Variants in LOC112694756 observed in about 807,000 individuals in gnomAD.
the LOC112694756 span, chr16:30,054,969 G>A: frequency 2.5e-6 from 1 of 398,804 alleles, no homozygotes; most frequent in African/African-American, 2.1e-5. Context: ...CTCTGGGGAA[G>A]AGGAATCCCG....
the LOC112694756 span, among the ~76,000 whole-genome samples, chr16:30,065,483 A>C: frequency 6.6e-6 from 1 of 152,002 alleles, no homozygotes; most frequent in South Asian, 2.1e-4. Flanking sequence ...TGGCTGAGTC[A>C]CGGCGCCCCA....
At chr16:30,055,958 A>G in the LOC112694756 span, among the ~76,000 whole-genome samples, 1 of 151,936 alleles carries the variant, frequency 6.6e-6, no homozygotes, top group East Asian at 1.9e-4. Context: ...CACAACTACC[A>G]TATGGCTAAT....
chr16:30,060,913 T>C, the LOC112694756 span, among the ~76,000 whole-genome samples: 1 of 152,212 alleles, frequency 6.6e-6, no homozygotes, highest in East Asian at 1.9e-4. Context: ...CTCCCCTCAC[T>C]GCAGCCCCTA....
chr16:30,058,622 A>G, the LOC112694756 span, among the ~76,000 whole-genome samples: 1 of 151,690 alleles, frequency 6.6e-6, no homozygotes, highest in South Asian at 2.1e-4. Flanking sequence ...AGTAGCTGGG[A>G]TTACAGGTGC....
chr16:30,063,922 C>G, the LOC112694756 span: 1 of 399,118 alleles, frequency 2.5e-6, no homozygotes, highest in Non-Finnish European at 4.4e-6. Flanking sequence ...CCTTTCCCCA[C>G]GCCACTGGAA....
At chr16:30,070,124 G>A in the LOC112694756 span, 1 of 1,613,924 alleles carries the variant, frequency 6.2e-7, no homozygotes, top group African/African-American at 1.3e-5. Flanking sequence ...TAGGCCAACA[G>A]CCTTGCCTGT....
chr16:30,069,527 G>C, the LOC112694756 span: 6 of 1,614,088 alleles, frequency 3.7e-6, no homozygotes, highest in Non-Finnish European at 5.1e-6. Context: ...AAGGCTCTGA[G>C]TGACCACCAC....
the LOC112694756 span, chr16:30,068,466 A>C: frequency 1.4e-6 from 1 of 705,712 alleles, no homozygotes; most frequent in Non-Finnish European, 2.6e-6. Context: ...GGGGCTAAAG[A>C]AGAGGAAAGA....
At chr16:30,064,461 G>A in the LOC112694756 span, 1 of 398,638 alleles carries the variant, frequency 2.5e-6, no homozygotes, top group African/African-American at 2.1e-5. Context: ...GACAACCAAG[G>A]GCCTCCGTCT....
At chr16:30,070,305 T>C in the LOC112694756 span, 1 of 1,231,398 alleles carries the variant, frequency 8.1e-7, no homozygotes, top group Non-Finnish European at 1.2e-6. Context: ...CCAGGCTGGC[T>C]TGCCCGCGCT....
the LOC112694756 span, among the ~76,000 whole-genome samples, chr16:30,062,398 G>A: frequency 6.6e-6 from 1 of 152,002 alleles, no homozygotes; most frequent in East Asian, 1.9e-4. Flanking sequence ...CAGGCGTGGT[G>A]GCACGTGCCT....
At chr16:30,066,332 G>C in the LOC112694756 span, 1 of 152,564 alleles carries the variant, frequency 6.6e-6, no homozygotes, top group Admixed American at 6.5e-5. Context: ...TTCGCGAGGA[G>C]GGAAACCCCT....
chr16:30,070,251 C>T, the LOC112694756 span: 1 of 1,600,968 alleles, frequency 6.2e-7, no homozygotes, highest in Admixed American at 1.7e-5. Flanking sequence ...ACTCCAGGCC[C>T]TGCCCCCTCC....
chr16:30,059,124 G>A, the LOC112694756 span: 957 of 397,292 alleles, frequency 2.4e-3, 6 homozygotes, highest in African/African-American at 0.018. Flanking sequence ...TAGAGTTTGT[G>A]AATCTTTTAC....
At chr16:30,060,221 C>T in the LOC112694756 span, among the ~76,000 whole-genome samples, 2 of 152,112 alleles carry the variant, frequency 1.3e-5, no homozygotes, top group Non-Finnish European at 2.9e-5. Context: ...TCAGATGGTG[C>T]GCCCACCTTG....
At chr16:30,067,648 T>C in the LOC112694756 span, 4 of 1,614,024 alleles carry the variant, frequency 2.5e-6, no homozygotes, top group African/African-American at 1.3e-5. Flanking sequence ...AAGGGCGGTG[T>C]TGTGGGCATC....
At chr16:30,058,838 CATTG>C in the LOC112694756 span, 1 of 392,310 alleles carries the variant, frequency 2.5e-6, no homozygotes, top group Non-Finnish European at 4.5e-6. Flanking sequence ...TTCATTCATT[CATTG>C]ACTCACTCAC....
the LOC112694756 span, chr16:30,069,803 C>G: frequency 6.2e-7 from 1 of 1,613,822 alleles, no homozygotes; most frequent in Non-Finnish European, 8.5e-7. Context: ...TGACCACAGC[C>G]CCTCTCGCCT....
At chr16:30,064,515 C>CA in the LOC112694756 span, 1 of 398,700 alleles carries the variant, frequency 2.5e-6, no homozygotes, top group Non-Finnish European at 4.4e-6. Context: ...GGTGAGTGGG[C>CA]AGGGGCTCCC....
Sources: gnomAD v4.1 joint callset for allele counts (sites outside exome capture counted in the v4.1 genomes callset) on GRCh38, gnomAD v4.1.1 for gene constraint, MANE v1.5 for transcripts.